KDM4B: variants seen among roughly 807,000 people sequenced by gnomAD.
KDM4B encodes lysine-specific demethylase 4B.
Under a neutral mutation model 125.2 loss-of-function variants are expected in KDM4B, and 32 were observed. The ratio of observed to expected loss-of-function variants is 0.26; its 90% CI spans 0.19 to 0.34. KDM4B has a LOEUF of 0.34. KDM4B is among the 10% of genes least tolerant of loss of function. The probability of loss-of-function intolerance (pLI) is 1.00; values close to 1 mark genes in which losing one functional copy is unlikely to be tolerated. For synonymous variants in KDM4B, 721 were observed against 677.9 expected (o/e 1.06, Z -0.99); for missense variants, 1,190 against 1,577.7 (o/e 0.75, Z 4.16).
At chr19:5,031,549 G>A (rs1337760703) in intron 2 of KDM4B, among the ~76,000 whole-genome samples, 2 of 152,252 alleles carry the variant, frequency 1.3e-5, no homozygotes, top group Non-Finnish European at 2.9e-5. Flanking sequence ...CAAACCCAGT[G>A]GGGGTCTCTC....
At chr19:5,140,921 C>G (rs1209228718) in intron 18 of KDM4B, 1 of 152,266 alleles carries the variant, frequency 6.6e-6, no homozygotes, top group African/African-American at 2.4e-5. Flanking sequence ...AGCGTCCTGC[C>G]TGCTTTTCCT....
At position 5,142,262 on chromosome 19, in the gene KDM4B, C is replaced by T. The variant is rs1369631281; in HGVS notation, c.2551-1705C>T. Among the ~76,000 whole-genome samples the T allele has an allele frequency of 6.6e-6, 1 of 152,138 alleles. No homozygotes were observed. Among genetic ancestry groups the T allele is most frequent in the Non-Finnish European group, 1.5e-5 (1 of 67,998 alleles). On this transcript the variant is annotated intron_variant, in intron 18 of 22. Transcript: ENST00000159111. The surrounding 1 kb of genome is among the most constrained non-coding windows in gnomAD (Gnocchi z 5.4). ...ACCCTGACTCCCCGGCACACACTGG[C>T]CTGGGCCAGGCCAGCACTGGATGTG...
intron 2 of KDM4B, among the ~76,000 whole-genome samples, chr19:5,027,463 C>T (rs2036315626): frequency 6.6e-6 from 1 of 152,140 alleles, no homozygotes; most frequent in South Asian, 2.1e-4. Flanking sequence ...AGTTTCCTCT[C>T]TTCTTTTGCG....
chr19:5,125,993 C>A (rs1019499498), intron 11 of KDM4B, among the ~76,000 whole-genome samples: 2 of 152,202 alleles, frequency 1.3e-5, no homozygotes, highest in African/African-American at 4.8e-5. Flanking sequence ...CACAGTGCTG[C>A]GGGAAAGATT....
chr19:5,051,110 G>A (rs1599506143), intron 6 of KDM4B, among the ~76,000 whole-genome samples: 1 of 152,110 alleles, frequency 6.6e-6, no homozygotes, highest in African/African-American at 2.4e-5. Flanking sequence ...GAGGCTGAGC[G>A]CAGTGTCGCC....
At chr19:5,139,169 G>A (rs1273059264) in intron 18 of KDM4B, among the ~76,000 whole-genome samples, 1 of 152,168 alleles carries the variant, frequency 6.6e-6, no homozygotes, top group African/African-American at 2.4e-5. Flanking sequence ...AGATCTTCCT[G>A]CCTTGGCCTC....
At chr19:5,060,229 C>T (rs531271465) in intron 6 of KDM4B, among the ~76,000 whole-genome samples, 22 of 152,046 alleles carry the variant, frequency 1.4e-4, no homozygotes, top group Middle Eastern at 3.4e-3. Context: ...CACCTGAGGT[C>T]GGAGTTTGAG....
intron 1 of KDM4B, among the ~76,000 whole-genome samples, chr19:5,013,735 C>T (rs2035801555): frequency 6.6e-6 from 1 of 152,256 alleles, no homozygotes; most frequent in African/African-American, 2.4e-5. Context: ...TCTCAAGATG[C>T]CTAACTCAGT....
intron 19 of KDM4B, 42 bp from the exon 20 acceptor site, chr19:5,144,206 C>A (rs764019743): frequency 6.3e-7 from 1 of 1,585,084 alleles, no homozygotes. Context: ...CCCCCACCGA[C>A]ACCCGCGCTG....
chr19:5,000,700 C>G (rs1356814823), intron 1 of KDM4B, among the ~76,000 whole-genome samples: 1 of 152,052 alleles, frequency 6.6e-6, no homozygotes, highest in Non-Finnish European at 1.5e-5. Flanking sequence ...ATTTTTTTCC[C>G]CCTTCTTTAC....
intron 9 of KDM4B, among the ~76,000 whole-genome samples, chr19:5,105,840 G>A (rs910972514): frequency 6.6e-6 from 1 of 152,238 alleles, no homozygotes; most frequent in Admixed American, 6.5e-5. Flanking sequence ...CGTGAACACA[G>A]CTGTGGATGA....
chr19:5,080,433 G>A (rs963786872), intron 8 of KDM4B, among the ~76,000 whole-genome samples: 4 of 152,228 alleles, frequency 2.6e-5, no homozygotes, highest in African/African-American at 4.8e-5. Context: ...GAGCAGACGC[G>A]TTACGAAGGA....
intron 13 of KDM4B, among the ~76,000 whole-genome samples, chr19:5,132,485 T>G (rs76555190): frequency 2.0e-5 from 3 of 151,946 alleles, no homozygotes; most frequent in African/African-American, 7.3e-5. Flanking sequence ...TGGGGATGCA[T>G]GTAGAATCTG....
At position 5,144,908 on chromosome 19, in the gene KDM4B, C is replaced by T. The variant is rs148314771; in HGVS notation, c.3021+6C>T. The T allele has an allele frequency of 2.5e-3, 4,005 of 1,612,966 alleles. 92 individuals are homozygous for T. In the African/African-American group the frequency reaches 0.048, roughly 19 times the overall value. On this transcript the variant is annotated splice_donor_region_variant and intron_variant, in intron 21 of 22. Transcript: ENST00000159111. ...TCACCAGCCACATCTACCAGGTAAG[C>T]GGGGGATCTGGCAGCCGCGCCATGC...
intron 5 of KDM4B, among the ~76,000 whole-genome samples, chr19:5,043,434 T>TG (rs61559640): frequency 8.8e-4 from 118 of 134,000 alleles, no homozygotes; most frequent in African/African-American, 3.2e-3. Flanking sequence ...TTTATCGGAG[T>TG]GGGGTGTCAA....
rs66494608 is a variant in KDM4B, at chr19:4,973,824, T to TAA, written c.-109+4614_-109+4615dup. Reference sequence around the variant, plus strand: ...AACTGCTCTCTGAAACAAAGCATATTAAAAAAAAAAAAAAAAAAAAACTGG... The same window carrying TAA: ...AACTGCTCTCTGAAACAAAGCATATTAAAAAAAAAAAAAAAAAAAAAAACTGG... On this transcript the variant is annotated intron_variant, in intron 1 of 22. Coordinates refer to ENST00000159111, the MANE Select transcript of KDM4B (RefSeq NM_015015.3). Among the ~76,000 whole-genome samples the TAA allele has an allele frequency of 2.4e-4, 32 of 132,412 alleles. No homozygotes were observed. In the South Asian group the frequency reaches 4.6e-3, roughly 19 times the overall value. 86.9% of individuals were successfully genotyped at this position (132,412 alleles called of 152,430 possible). A position where few individuals can be genotyped will look rare whatever the true frequency, so the allele number is the denominator to read the frequency against.
chr19:5,048,631 C>G (rs558486738), intron 6 of KDM4B, among the ~76,000 whole-genome samples: 1 of 151,932 alleles, frequency 6.6e-6, no homozygotes, highest in Non-Finnish European at 1.5e-5. Flanking sequence ...TGCTGTACCT[C>G]TTCGTTAAAA....
intron 10 of KDM4B, chr19:5,111,560 C>T: frequency 1.3e-6 from 1 of 757,918 alleles, no homozygotes; most frequent in Non-Finnish European, 2.4e-6. Context: ...CACCGGCCTC[C>T]CCAGCCCCTC....
Position 5,137,834 on chromosome 19 carries a change from C to T in KDM4B, c.2442-128C>T, listed in dbSNP as rs867910221. On this transcript the variant is annotated intron_variant, in intron 17 of 22. Transcript: ENST00000159111. Reference sequence around the variant, plus strand: ...GTGGCCAGGGCTGAGGAGGAGCATACGCCTGCACCGACCTTCCTGAAGTTC... The same window carrying T: ...GTGGCCAGGGCTGAGGAGGAGCATATGCCTGCACCGACCTTCCTGAAGTTC... 1.6e-5 allele frequency: 17 copies of T among 1,038,052 alleles called. No homozygotes were observed. The Middle Eastern group carries it at 1.1e-3, about 65-fold the overall frequency. 64.3% of individuals were successfully genotyped at this position (1,038,052 alleles called of 1,614,324 possible).
Sources: gnomAD v4.1 joint callset for allele counts (sites outside exome capture counted in the v4.1 genomes callset) on GRCh38, gnomAD v4.1.1 for gene constraint, Gnocchi (gnomAD v3.1) non-coding constraint, MANE v1.5 for transcripts, NCBI Gene and HGNC (gene_info 2026-07-23, HGNC 2026-07-21) for gene names.